Variants in GPATCH2 observed in about 807,000 individuals in gnomAD.
GPATCH2 encodes the protein G-patch domain containing 2.
Under a neutral mutation model 58.0 loss-of-function variants are expected in GPATCH2, and 51 were observed. The ratio of observed to expected loss-of-function variants is 0.88; its 90% CI spans 0.70 to 1.11. The LOEUF (loss-of-function observed/expected upper bound fraction) is 1.11, where lower values mean the gene tolerates loss of function less well. GPATCH2 is among the 50% of genes most tolerant of loss of function. GPATCH2 has a pLI of 0.00. For synonymous variants in GPATCH2, 222 were observed against 218.5 expected (o/e 1.02, Z -0.14); for missense variants, 625 against 652.2 (o/e 0.96, Z 0.45).
intron 5 of GPATCH2, among the ~76,000 whole-genome samples, chr1:217,591,808 T>C (rs1038792693): frequency 6.6e-5 from 10 of 152,054 alleles, no homozygotes; most frequent in Admixed American, 6.5e-4. Flanking sequence ...AGTTTATCAT[T>C]TTTTATTTAA....
chr1:217,614,698 A>C (rs1257602500), intron 2 of GPATCH2, among the ~76,000 whole-genome samples: 1 of 149,852 alleles, frequency 6.7e-6, no homozygotes, highest in African/African-American at 2.4e-5. Context: ...ATTCACAACA[A>C]CTCTATTAGT....
intron 7 of GPATCH2, chr1:217,495,072 T>A: frequency 1.4e-6 from 1 of 713,486 alleles, no homozygotes; most frequent in Non-Finnish European, 1.7e-6. Context: ...CCCTTATTAG[T>A]GACCTGCAGA....
At chr1:217,607,898 T>C (rs1470334848) in intron 5 of GPATCH2, among the ~76,000 whole-genome samples, 1 of 152,230 alleles carries the variant, frequency 6.6e-6, no homozygotes, top group African/African-American at 2.4e-5. Flanking sequence ...AAACCTTTTG[T>C]TGGCCTTCTG....
At chr1:217,559,722 C>G (rs1193152681) in intron 5 of GPATCH2, among the ~76,000 whole-genome samples, 5 of 152,128 alleles carry the variant, frequency 3.3e-5, no homozygotes, top group African/African-American at 4.8e-5. Context: ...TGAGCCCCAG[C>G]CCAGTTCAGG....
At chr1:217,456,857 G>A (rs1659969192) in intron 8 of GPATCH2, among the ~76,000 whole-genome samples, 1 of 152,136 alleles carries the variant, frequency 6.6e-6, no homozygotes, top group Non-Finnish European at 1.5e-5. Flanking sequence ...CACAGAATAG[G>A]TGTGTGCGCT....
intron 5 of GPATCH2, among the ~76,000 whole-genome samples, chr1:217,594,073 T>C (rs1667710069): frequency 6.6e-6 from 1 of 152,114 alleles, no homozygotes; most frequent in South Asian, 2.1e-4. Context: ...AGAACAATTA[T>C]TTAACATCTA....
At chr1:217,553,366 C>T (rs987638393) in intron 5 of GPATCH2, among the ~76,000 whole-genome samples, 10 of 152,096 alleles carry the variant, frequency 6.6e-5, no homozygotes, top group Admixed American at 6.5e-4. Context: ...ATTTGGTATA[C>T]ATCTAAGGGA....
At chr1:217,546,386 C>G (rs966185709) in intron 5 of GPATCH2, among the ~76,000 whole-genome samples, 1 of 152,144 alleles carries the variant, frequency 6.6e-6, no homozygotes, top group Admixed American at 6.5e-5. Flanking sequence ...ATAACCAAAA[C>G]AGCATGGTAC....
At chr1:217,458,085 C>G (rs903696228) in intron 8 of GPATCH2, among the ~76,000 whole-genome samples, 1 of 152,228 alleles carries the variant, frequency 6.6e-6, no homozygotes, top group African/African-American at 2.4e-5. Context: ...AAAAAATTAG[C>G]CAGGCGTGGT....
intron 5 of GPATCH2, among the ~76,000 whole-genome samples, chr1:217,597,715 C>G (rs1398179976): frequency 6.6e-6 from 1 of 152,126 alleles, no homozygotes; most frequent in Non-Finnish European, 1.5e-5. Flanking sequence ...CAGGAAAATT[C>G]AGTGAAAGTC....
At chr1:217,597,496 T>C (rs1405733542) in intron 5 of GPATCH2, among the ~76,000 whole-genome samples, 4 of 152,024 alleles carry the variant, frequency 2.6e-5, no homozygotes, top group South Asian at 2.1e-4. Context: ...AGTTCACAAA[T>C]TGGAGGCTCT....
intron 5 of GPATCH2, among the ~76,000 whole-genome samples, chr1:217,550,695 A>G (rs1004431044): frequency 2.6e-5 from 4 of 151,996 alleles, no homozygotes; most frequent in African/African-American, 9.6e-5. Flanking sequence ...CAAAAATGAA[A>G]TAGCTTACTC....
At chr1:217,444,959 T>C (rs1659318194) in intron 9 of GPATCH2, among the ~76,000 whole-genome samples, 1 of 152,208 alleles carries the variant, frequency 6.6e-6, no homozygotes, top group Non-Finnish European at 1.5e-5. Context: ...TCACTCATTA[T>C]TATTATTTAC....
intron 9 of GPATCH2, among the ~76,000 whole-genome samples, chr1:217,435,258 T>TA (rs1658765595): frequency 6.6e-6 from 1 of 152,238 alleles, no homozygotes; most frequent in Non-Finnish European, 1.5e-5. Flanking sequence ...CTAACCTTTC[T>TA]GCCTGCTTCC....
intron 8 of GPATCH2, among the ~76,000 whole-genome samples, chr1:217,450,136 T>C (rs994973521): frequency 6.6e-6 from 1 of 152,170 alleles, no homozygotes; most frequent in Non-Finnish European, 1.5e-5. Flanking sequence ...TTCAAACTTT[T>C]CAAGCTATAG....
intron 8 of GPATCH2, among the ~76,000 whole-genome samples, chr1:217,472,208 G>A (rs1424142849): frequency 1.3e-5 from 2 of 151,006 alleles, no homozygotes; most frequent in South Asian, 2.1e-4. Context: ...CTAATCATAA[G>A]CATAAAAATG....
At chr1:217,570,826 G>C (rs927270678) in intron 5 of GPATCH2, among the ~76,000 whole-genome samples, 3 of 152,172 alleles carry the variant, frequency 2.0e-5, no homozygotes, top group South Asian at 2.1e-4. Flanking sequence ...AAGGATGATG[G>C]TAAGAAATGT....
intron 2 of GPATCH2, among the ~76,000 whole-genome samples, chr1:217,617,769 T>A (rs1232074733): frequency 6.6e-6 from 1 of 152,170 alleles, no homozygotes; most frequent in African/African-American, 2.4e-5. Context: ...ATATATTTTT[T>A]AACATTTATT....
intron 7 of GPATCH2, among the ~76,000 whole-genome samples, chr1:217,497,125 G>A (rs1202511675): frequency 1.3e-5 from 2 of 152,120 alleles, no homozygotes; most frequent in African/African-American, 4.8e-5. Context: ...GTTCTAAAGG[G>A]TAGAAAATGA....
Sources: allele counts gnomAD v4.1 joint callset (sites outside exome capture counted in the v4.1 genomes callset), GRCh38; gene constraint gnomAD v4.1.1; transcripts MANE v1.5; gene names NCBI Gene and HGNC (gene_info 2026-07-23, HGNC 2026-07-21).